Variants in RAB11FIP1 observed in about 807,000 individuals in gnomAD.
RAB11FIP1 encodes rab11 family-interacting protein 1.
A neutral mutation model predicts 83.1 loss-of-function variants in RAB11FIP1; 49 were observed. The ratio of observed to expected loss-of-function variants is 0.59; its 90% CI spans 0.47 to 0.75. The LOEUF (loss-of-function observed/expected upper bound fraction) is 0.75. RAB11FIP1 is among the 30% of genes least tolerant of loss of function. The pLI, the probability that RAB11FIP1 is intolerant of heterozygous loss-of-function variation, is 0.00. For synonymous variants in RAB11FIP1, 670 were observed against 656.0 expected (o/e 1.02, Z -0.33); for missense variants, 1,536 against 1,598.7 (o/e 0.96, Z 0.67).
chr8:37,888,808 T>C (rs1243520663), intron 1 of RAB11FIP1, among the ~76,000 whole-genome samples: 4 of 148,764 alleles, frequency 2.7e-5, no homozygotes, highest in African/African-American at 1.0e-4. Context: ...TTTTTTTTTT[T>C]TTTTTTTGAG....
chr8:37,890,395 T>C (rs1013153277), intron 1 of RAB11FIP1, among the ~76,000 whole-genome samples: 1 of 152,178 alleles, frequency 6.6e-6, no homozygotes, highest in Non-Finnish European at 1.5e-5. Flanking sequence ...ATGCCTTCCC[T>C]CTACTCCATT....
intron 4 of RAB11FIP1, 46 bp from the exon 5 acceptor site, chr8:37,870,574 A>C: frequency 9.5e-7 from 1 of 1,057,600 alleles, no homozygotes; most frequent in Non-Finnish European, 1.4e-6. Context: ...GGTCATGGCA[A>C]AACTGAGCAA....
chr8:37,896,081 G>A (rs532318944), intron 1 of RAB11FIP1, among the ~76,000 whole-genome samples: 12 of 152,040 alleles, frequency 7.9e-5, no homozygotes, highest in Admixed American at 2.6e-4. Context: ...AGGCTGAGGC[G>A]GGTGGATCAC....
chr8:37,875,369 G>A (rs773369393), intron 2 of RAB11FIP1, 47 bp from the exon 3 acceptor site: 45 of 1,438,542 alleles, frequency 3.1e-5, no homozygotes, highest in Non-Finnish European at 4.0e-5. Context: ...TTAAACGGGT[G>A]GTTTGCAGTG....
At chr8:37,890,867 T>C (rs1806935079) in intron 1 of RAB11FIP1, among the ~76,000 whole-genome samples, 1 of 151,988 alleles carries the variant, frequency 6.6e-6, no homozygotes, top group Admixed American at 6.6e-5. Context: ...GATTTCATAC[T>C]TCGGACATCC....
Position 37,858,674 on chromosome 8 carries a change from G to C in RAB11FIP1, c.*4221C>G, listed in dbSNP as rs1446745956. On this transcript the variant is annotated 3_prime_UTR_variant, in exon 6 of 6. Transcript: ENST00000330843. Reference sequence around the variant, plus strand: ...GGGTACCGGCTGCAAAGGAAAAGGGGGCAGCACGTTCCAACTCAGTTTCTC... The same window carrying C: ...GGGTACCGGCTGCAAAGGAAAAGGGCGCAGCACGTTCCAACTCAGTTTCTC... 6.6e-6 allele frequency: 1 copy of C among 152,242 alleles called. No homozygotes were observed. Among genetic ancestry groups the C allele is most frequent in the Admixed American group, 6.5e-5 (1 of 15,268 alleles). 9.4% of individuals were successfully genotyped at this position (152,242 alleles called of 1,614,324 possible). A position where few individuals can be genotyped will look rare whatever the true frequency, so the allele number is the denominator to read the frequency against.
chr8:37,862,609 C>G lies in RAB11FIP1; in HGVS notation c.*286G>C, dbSNP rs1249640045. On this transcript the variant is annotated 3_prime_UTR_variant, in exon 6 of 6. Transcript: ENST00000330843. ...CTTCCTGTGCCATCTGAATCTCTGGCTCAGGATCAGATCTTATGACCACAT... is the reference window on the plus strand; with the variant it reads ...CTTCCTGTGCCATCTGAATCTCTGGGTCAGGATCAGATCTTATGACCACAT... The G allele has an allele frequency of 3.4e-6, 1 of 291,972 alleles. No individual in the cohort carries two copies. The highest frequency in any genetic ancestry group is 6.5e-6 in the Non-Finnish European group (1 of 154,100). 18.1% of individuals were successfully genotyped at this position (291,972 alleles called of 1,614,324 possible). A position where few individuals can be genotyped will look rare whatever the true frequency, so the allele number is the denominator to read the frequency against.
rs757767892 is a variant in RAB11FIP1, at chr8:37,899,373, C to A, written c.69G>T (p.Thr23=). 1.9e-6 allele frequency: 3 copies of A among 1,604,114 alleles called. No homozygotes were observed. The highest frequency in any genetic ancestry group is 3.4e-5 in the Admixed American group (2 of 59,476). Reference sequence around the variant, plus strand: ...CCCGCAGGCCCCGCGCCTGCAGCACCGTCACCTGCACGTGGGTTGGGGACC... The same window carrying A: ...CCCGCAGGCCCCGCGCCTGCAGCACAGTCACCTGCACGTGGGTTGGGGACC... ...AVWSPTHVQV[T]VLQARGLRAK... is the part of the protein sequence containing the mutation. Residue 23 remains threonine, a synonymous_variant, in exon 1 of 6, where the codon ACG becomes ACT. Coordinates refer to ENST00000330843, the MANE Select transcript of RAB11FIP1 (RefSeq NM_001002814.3). This position sits in a 1 kb window ranked among gnomAD's most constrained non-coding sequence, Gnocchi z 4.5.
intron 1 of RAB11FIP1, among the ~76,000 whole-genome samples, chr8:37,895,246 TATATATATATATA>T (rs1157824783): frequency 4.6e-4 from 6 of 13,040 alleles, no homozygotes; most frequent in East Asian, 2.4e-3. Flanking sequence ...TATATATATA[TATATATATATATA>T]TTTTTTTTTT....
rs1325859675 is a variant in RAB11FIP1, at chr8:37,890,800, AG to A, written c.371+8270del. Reference sequence around the variant, plus strand: ...AAAAAAAAAAAAAAAGAAGAAGAAAAGGGCACTGACCACAAAGCCATACCCC... The same window carrying A: ...AAAAAAAAAAAAAAAGAAGAAGAAAAGGCACTGACCACAAAGCCATACCCC... On this transcript the variant is annotated intron_variant, in intron 1 of 5. Transcript: ENST00000330843. Among the ~76,000 whole-genome samples the A allele has an allele frequency of 5.3e-5, 8 of 152,082 alleles. No individual in the cohort carries two copies. In the South Asian group the frequency reaches 8.3e-4, roughly 16 times the overall value.
intron 1 of RAB11FIP1, among the ~76,000 whole-genome samples, chr8:37,886,112 G>A (rs1161981306): frequency 1.3e-5 from 2 of 152,144 alleles, no homozygotes; most frequent in Non-Finnish European, 2.9e-5. Context: ...TGCCTTCGGA[G>A]ATTCAGTTCC....
In RAB11FIP1 at chr8:37,871,782, CAG is replaced by C. The variant is rs1224890388; in HGVS notation, c.3018_3019del (p.Cys1007SerfsTer2). 6.2e-7 allele frequency: 1 copy of C among 1,613,976 alleles called. No individual in the cohort carries two copies. The highest frequency in any genetic ancestry group is 8.5e-7 in the Non-Finnish European group (1 of 1,179,914). ...ACTGGGCCCCTTTCCCCTCTCAGGA[CAG>C]GGGACTACCAAGCCCAAGGACAAAG... is the stretch of plus-strand genomic sequence containing the variant. On this transcript the variant is annotated frameshift_variant, in exon 4 of 6. Coordinates refer to ENST00000330843, the MANE Select transcript of RAB11FIP1 (RefSeq NM_001002814.3). LOFTEE classifies it high-confidence loss of function.
chr8:37,892,709 A>G (rs1244132140), intron 1 of RAB11FIP1, among the ~76,000 whole-genome samples: 1 of 152,084 alleles, frequency 6.6e-6, no homozygotes, highest in Non-Finnish European at 1.5e-5. Context: ...AAGTACTGGG[A>G]TTATAGGTGT....
chr8:37,882,824 G>T (rs1806754591), intron 1 of RAB11FIP1, among the ~76,000 whole-genome samples: 1 of 152,118 alleles, frequency 6.6e-6, no homozygotes, highest in Non-Finnish European at 1.5e-5. Context: ...TGGTTTTTGA[G>T]CAAAACTACA....
intron 2 of RAB11FIP1, 38 bp downstream of exon 2, chr8:37,877,071 G>T: frequency 6.9e-7 from 1 of 1,440,670 alleles, no homozygotes; most frequent in South Asian, 1.2e-5. Flanking sequence ...ATGGTAAGAG[G>T]AAGAAGAGAG....
At chr8:37,870,579 G>T in intron 4 of RAB11FIP1, 51 bp from the exon 5 acceptor site, 1 of 973,358 alleles carries the variant, frequency 1.0e-6, no homozygotes, top group South Asian at 1.4e-5. Context: ...TGGCAAAACT[G>T]AGCAACTGCC....
chr8:37,867,431 G>A (rs545170307), intron 5 of RAB11FIP1, among the ~76,000 whole-genome samples: 62 of 152,298 alleles, frequency 4.1e-4, no homozygotes, highest in Middle Eastern at 6.8e-3. Context: ...GGGTCCGGGC[G>A]CAGTGGCTCA....
At chr8:37,886,667 G>T (rs1806841577) in intron 1 of RAB11FIP1, among the ~76,000 whole-genome samples, 1 of 152,190 alleles carries the variant, frequency 6.6e-6, no homozygotes, top group Non-Finnish European at 1.5e-5. Flanking sequence ...GGGGATGATG[G>T]CCTCGAGTGA....
At position 37,863,068 on chromosome 8, in the gene RAB11FIP1, G is replaced by C. The variant is rs1211368468; in HGVS notation, c.3679C>G (p.His1227Asp). The C allele has an allele frequency of 1.2e-6, 2 of 1,612,710 alleles. No individual in the cohort carries two copies. Among genetic ancestry groups the C allele is most frequent in the Non-Finnish European group, 1.7e-6 (2 of 1,180,026 alleles). The change falls in exon 6 of 6, where the codon CAC becomes GAC. Residue 1227 changes from histidine to aspartate, a missense_variant. Transcript: ENST00000330843. The stretch of plus-strand genomic sequence containing the variant: ...AGGACCAGCTGAATCAGCTCATCGT[G>C]GGTCAGCTGCGCATATGCAAATGCA... ...DPAFAYAQLT[H>D]DELIQLVLKQ... is the part of the protein sequence containing the mutation.
Sources: gnomAD v4.1 joint callset for allele counts (sites outside exome capture counted in the v4.1 genomes callset) on GRCh38, gnomAD v4.1.1 for gene constraint, Gnocchi (gnomAD v3.1) non-coding constraint, MANE v1.5 for transcripts, NCBI Gene and HGNC (gene_info 2026-07-23, HGNC 2026-07-21) for gene names.